Variants in ADGRL3 observed in about 807,000 individuals in gnomAD.
ADGRL3 encodes the protein calcium-independent alpha-latrotoxin receptor 3.
A neutral mutation model predicts 153.5 loss-of-function variants in ADGRL3; 62 were observed. The observed-to-expected ratio is 0.40, with a 90% CI of 0.33 to 0.50. The LOEUF (loss-of-function observed/expected upper bound fraction) is 0.50. Among genes scored for constraint, ADGRL3 ranks in the 20% least tolerant of loss-of-function variants. The pLI is 0.47. For missense variants in ADGRL3, 1,641 were observed against 1,859.4 expected (o/e 0.88, Z 2.16); for synonymous variants, 710 against 672.5 (o/e 1.06, Z -0.86).
intron 20 of ADGRL3, 134 bp downstream of exon 20, chr4:61,996,491 G>A (rs1581798346): frequency 3.2e-6 from 2 of 634,218 alleles, no homozygotes; most frequent in East Asian, 2.7e-5. Context: ...CATAATTCAA[G>A]CAATTAAACA....
At chr4:61,926,605 C>T (rs777121654) in intron 13 of ADGRL3, among the ~76,000 whole-genome samples, 27 of 152,144 alleles carry the variant, frequency 1.8e-4, no homozygotes, top group Admixed American at 2.6e-4. Context: ...TCAATATTCT[C>T]ACTGTAAGAT....
At position 61,268,285 on chromosome 4, in the gene ADGRL3, A is replaced by G. The variant is rs1377630975; in HGVS notation, c.-240+66520A>G. On this transcript the variant is annotated intron_variant, in intron 1 of 26. Coordinates refer to ENST00000683033, the MANE Select transcript of ADGRL3 (RefSeq NM_001387552.1). ...GAAAAAGTCCAATTTTTGGTGCAAAAGTCACAGGCCTAAAAGTGCAATTTG... is the reference window on the plus strand; with the variant it reads ...GAAAAAGTCCAATTTTTGGTGCAAAGGTCACAGGCCTAAAAGTGCAATTTG... Among the ~76,000 whole-genome samples the G allele has an allele frequency of 5.9e-5, 9 of 151,672 alleles. No individual in the cohort carries two copies. The Admixed American group carries it at 5.9e-4, about 10-fold the overall frequency.
At chr4:61,945,676 T>G (rs2150277390) in intron 15 of ADGRL3, among the ~76,000 whole-genome samples, 1 of 147,706 alleles carries the variant, frequency 6.8e-6, no homozygotes, top group African/African-American at 2.5e-5. Flanking sequence ...AGCGCAATAT[T>G]CGGGTGGGAG....
intron 1 of ADGRL3, among the ~76,000 whole-genome samples, chr4:61,285,788 T>A (rs957252685): frequency 6.6e-6 from 1 of 151,742 alleles, no homozygotes; most frequent in Non-Finnish European, 1.5e-5. Context: ...TGGTACCAGA[T>A]ATGAATAGAG....
chr4:61,423,039 G>T (rs1045653524), intron 2 of ADGRL3, among the ~76,000 whole-genome samples: 2 of 152,114 alleles, frequency 1.3e-5, no homozygotes. Flanking sequence ...TGAGCCTGTA[G>T]TATGAGAGTT....
At chr4:61,828,368 C>A (rs2097833663) in intron 9 of ADGRL3, among the ~76,000 whole-genome samples, 3 of 152,012 alleles carry the variant, frequency 2.0e-5, no homozygotes, top group Admixed American at 2.0e-4. Flanking sequence ...GCTTGTAGTT[C>A]TGATTTGCTA....
intron 2 of ADGRL3, among the ~76,000 whole-genome samples, chr4:61,448,835 G>A (rs71611603): frequency 0.61 from 57,346 of 93,256 alleles, 18,018 homozygotes; most frequent in East Asian, 0.86. Flanking sequence ...AAGAAGGGAG[G>A]GAGGGAAGGA....
chr4:62,061,839 A>G (rs1274846189), intron 25 of ADGRL3, among the ~76,000 whole-genome samples: 1 of 152,010 alleles, frequency 6.6e-6, no homozygotes, highest in East Asian at 1.9e-4. Flanking sequence ...TGGGAATACT[A>G]CAGATTGTTT....
rs531598570 is a variant in ADGRL3 at position 61,571,974 on chromosome 4, G to A, written c.260-15253G>A. 1.3e-4 allele frequency among the ~76,000 whole-genome samples: 20 copies of A among 152,294 alleles called. No homozygotes were observed. The South Asian group carries it at 4.1e-3, about 32-fold the overall frequency. On this transcript the variant is annotated intron_variant, in intron 4 of 26. Coordinates refer to ENST00000683033, the MANE Select transcript of ADGRL3 (RefSeq NM_001387552.1). ...AAAACTCAACAGCTGTTTGTTGAATGAATGGTTGAGCAGATAGATAAATAA... is the reference window on the plus strand; with the variant it reads ...AAAACTCAACAGCTGTTTGTTGAATAAATGGTTGAGCAGATAGATAAATAA...
intron 23 of ADGRL3, among the ~76,000 whole-genome samples, chr4:62,034,374 C>T (rs754812498): frequency 7.9e-5 from 12 of 151,752 alleles, no homozygotes; most frequent in African/African-American, 2.2e-4. Context: ...TAATTTTGAA[C>T]GCTTATTTTC....
intron 8 of ADGRL3, among the ~76,000 whole-genome samples, chr4:61,736,098 T>C (rs1294600612): frequency 6.6e-6 from 1 of 152,090 alleles, no homozygotes; most frequent in African/African-American, 2.4e-5. Context: ...TGTGTATTAG[T>C]ATACATATTC....
chr4:61,888,035 G>A lies in ADGRL3; in HGVS notation c.1481-4621G>A, dbSNP rs1326450796. Among the ~76,000 whole-genome samples, 8 of 152,136 alleles carry A rather than the reference G, an allele frequency of 5.3e-5. No individual in the cohort carries two copies. The East Asian group carries it at 1.4e-3, about 26-fold the overall frequency. ...ACAAATCAAATTCTAAGAAAGAAAC[G>A]AGTTATGAACAGTAAATTTCAAAGG... On this transcript the variant is annotated intron_variant, in intron 9 of 26. Transcript: ENST00000683033.
chr4:62,065,371 G>T (rs529998591), intron 25 of ADGRL3, among the ~76,000 whole-genome samples: 1 of 152,060 alleles, frequency 6.6e-6, no homozygotes, highest in African/African-American at 2.4e-5. Context: ...AGCACTCAAT[G>T]AATTGTACAT....
At chr4:61,261,464 T>A (rs771669056) in intron 1 of ADGRL3, among the ~76,000 whole-genome samples, 2 of 152,122 alleles carry the variant, frequency 1.3e-5, no homozygotes, top group Admixed American at 1.3e-4. Context: ...TGGGACTTTT[T>A]GGAATTTTTT....
At chr4:61,383,482 A>C (rs1291408413) in intron 2 of ADGRL3, among the ~76,000 whole-genome samples, 1 of 151,768 alleles carries the variant, frequency 6.6e-6, no homozygotes, top group Admixed American at 6.6e-5. Flanking sequence ...GCTAAAAATA[A>C]GAGTTTTAGT....
chr4:61,521,168 T>C (rs2098528824), intron 4 of ADGRL3, among the ~76,000 whole-genome samples: 2 of 152,150 alleles, frequency 1.3e-5, no homozygotes, highest in Non-Finnish European at 2.9e-5. Flanking sequence ...ATTGTCTATT[T>C]GGTGGGTTAG....
At chr4:61,817,841 A>T (rs1580978965) in intron 9 of ADGRL3, among the ~76,000 whole-genome samples, 1 of 152,284 alleles carries the variant, frequency 6.6e-6, no homozygotes, top group African/African-American at 2.4e-5. Context: ...AGACTTATTC[A>T]CTACCATGAG....
chr4:61,872,754 G>A (rs73220162), intron 9 of ADGRL3, among the ~76,000 whole-genome samples: 233 of 152,050 alleles, frequency 1.5e-3, no homozygotes, highest in Middle Eastern at 0.01. Flanking sequence ...ACAATTAGCA[G>A]CATTTAGATT....
intron 1 of ADGRL3, among the ~76,000 whole-genome samples, chr4:61,322,228 C>A (rs1003180473): frequency 2.0e-5 from 3 of 152,184 alleles, no homozygotes; most frequent in Non-Finnish European, 4.4e-5. Context: ...AAAGACCCAC[C>A]TCCATGATTC....
Sources: allele counts gnomAD v4.1 joint callset (sites outside exome capture counted in the v4.1 genomes callset), GRCh38; gene constraint gnomAD v4.1.1; transcripts MANE v1.5; gene names NCBI Gene and HGNC (gene_info 2026-07-23, HGNC 2026-07-21).